The following RGN variants were observed in gnomAD, a reference collection of about 807,000 sequenced individuals.
RGN encodes regucalcin.
A neutral mutation model predicts 20.6 loss-of-function variants in RGN; 19 were observed. The observed-to-expected ratio is 0.92, with a 90% confidence interval of 0.64 to 1.35. The LOEUF (loss-of-function observed/expected upper bound fraction) is 1.35. Among genes scored for constraint, RGN ranks in the 40% most tolerant of loss-of-function variants. The pLI is 0.00. For synonymous variants in RGN, 85 were observed against 87.2 expected, an observed-to-expected ratio of 0.97 and a Z score of 0.14; for missense variants, 302 against 232.7, an observed-to-expected ratio of 1.30 and a Z score of -1.94.
chrX:47,090,909 G>GAA (rs1418685695), intron 5 of RGN, among the ~76,000 whole-genome samples: 1 of 16,982 alleles, frequency 5.9e-5, no homozygotes, highest in Admixed American at 4.8e-4. Flanking sequence ...AAGAAAGAAA[G>GAA]AAGAAGGAAA....
Position 47,080,914 on chromosome X carries a change from A to G in RGN, c.-38A>G. 2 of 352,261 alleles carry G rather than the reference A, an allele frequency of 5.7e-6. No homozygotes were observed. The highest frequency in any genetic ancestry group is 4.9e-6 in the Non-Finnish European group (1 of 204,163). The allele number at this position is 352,261 out of a possible 1,213,427, so 29.0% of individuals were successfully genotyped here. A position where few individuals can be genotyped will look rare whatever the true frequency, so the allele number is the denominator to read the frequency against. On this transcript the variant is annotated 5_prime_UTR_variant, in exon 2 of 8. Transcript: ENST00000397180. The stretch of plus-strand genomic sequence containing the variant: ...CACTTTTTTGTTTTCTTTTTGAAAG[A>G]TCATTCGAGAAACACGTCACTGGTA...
At chrX:47,090,562 G>A (rs1321253537) in intron 5 of RGN, among the ~76,000 whole-genome samples, 1 of 110,194 alleles carries the variant, frequency 9.1e-6, no homozygotes, top group Non-Finnish European at 1.9e-5. Context: ...AACTGGGAGG[G>A]AAGGAATTAT....
intron 3 of RGN, 51 bp downstream of exon 3, chrX:47,081,358 G>C: frequency 8.9e-7 from 1 of 1,123,752 alleles, no homozygotes; most frequent in Non-Finnish European, 1.2e-6. Flanking sequence ...TCCCAGGGGA[G>C]GGGCGGTCAC....
chrX:47,092,159 G>C lies in RGN; in HGVS notation c.793G>C (p.Asp265His). 8.3e-7 allele frequency: 1 copy of C among 1,200,384 alleles called. No homozygotes were observed. Among genetic ancestry groups the C allele is most frequent in the South Asian group, 1.8e-5 (1 of 55,273 alleles). ...TGAAATGTATGTGACCTGCGCCCGGGATGGGATGGACCCCGAGGGTCTTTT... is the reference window on the plus strand; with the variant it reads ...TGAAATGTATGTGACCTGCGCCCGGCATGGGATGGACCCCGAGGGTCTTTT... The part of the protein sequence containing the change: ...YSEMYVTCAR[D>H]GMDPEGLLRQ... The change falls in exon 7 of 8, where the codon GAT becomes CAT. Residue 265 changes from aspartate (D) to histidine (H), a missense_variant. Coordinates refer to ENST00000397180, the MANE Select transcript of RGN (RefSeq NM_152869.4).
At chrX:47,087,998 T>C (rs1762682322) in intron 4 of RGN, among the ~76,000 whole-genome samples, 2 of 100,199 alleles carry the variant, frequency 2.0e-5, no homozygotes, top group African/African-American at 7.2e-5. Context: ...ATAATTATAA[T>C]ATAATACTGT....
At chrX:47,081,531 G>C (rs1367438936) in intron 3 of RGN, among the ~76,000 whole-genome samples, 2 of 104,702 alleles carry the variant, frequency 1.9e-5, no homozygotes, top group East Asian at 6.2e-4. Flanking sequence ...TTGGGGGGGG[G>C]GGTGTTTTTG....
In RGN at chrX:47,089,921, C is replaced by G. The variant is rs1181109056; in HGVS notation, c.492C>G (p.Ile164Met). The change falls in exon 5 of 8, where the codon ATC becomes ATG. Residue 164 changes from isoleucine (I) to methionine (M), a missense_variant. Physicochemically the swap from Ile to Met is conservative, Grantham distance 10. Coordinates refer to ENST00000397180, the MANE Select transcript of RGN (RefSeq NM_152869.4). ...NGLDWSLDHKIFYYIDSLSYS... is the reference protein window; with the variant it reads ...NGLDWSLDHKMFYYIDSLSYS... ...TGGATTGGTCGCTAGACCACAAAAT[C>G]TTCTATTACATTGACAGCCTGTCCT... 8.3e-7 allele frequency: 1 copy of G among 1,206,770 alleles called. No homozygotes were observed. The highest frequency in any genetic ancestry group is 3.0e-5 in the East Asian group (1 of 33,682).
At position 47,089,913 on chromosome X, in the gene RGN, C is replaced by T; in HGVS notation, c.484C>T (p.His162Tyr). The T allele has an allele frequency of 8.3e-7, 1 of 1,209,045 alleles. No individual in the cohort carries two copies. The highest frequency in any genetic ancestry group is 1.1e-6 in the Non-Finnish European group (1 of 893,984). ...ISNGLDWSLDHKIFYYIDSLS... is the reference protein window; with the variant it reads ...ISNGLDWSLDYKIFYYIDSLS... The stretch of plus-strand genomic sequence containing the variant: ...CAATGGTTTGGATTGGTCGCTAGAC[C>T]ACAAAATCTTCTATTACATTGACAG... The change falls in exon 5 of 8, where the codon CAC (histidine) becomes TAC (tyrosine). Residue 162 changes from histidine to tyrosine, a missense_variant. Transcript: ENST00000397180.
chrX:47,088,327 C>T (rs1187427540), intron 4 of RGN, among the ~76,000 whole-genome samples: 1 of 109,519 alleles, frequency 9.1e-6, no homozygotes, highest in Admixed American at 1.0e-4. Flanking sequence ...AGGAGATTCA[C>T]ATGCATGTTC....
At chrX:47,092,414 A>G (rs576108877) in intron 7 of RGN, among the ~76,000 whole-genome samples, 199 bp downstream of exon 7, 1 of 112,262 alleles carries the variant, frequency 8.9e-6, no homozygotes, top group East Asian at 2.8e-4. Flanking sequence ...TGATCTGTTT[A>G]GCCTACTTTG....
chrX:47,078,716 C>T lies in RGN; in HGVS notation c.-636+7C>T, dbSNP rs1053240292. 6.3e-5 allele frequency: 7 copies of T among 111,059 alleles called. No individual in the cohort carries two copies. Among genetic ancestry groups the T allele is most frequent in the African/African-American group, 9.8e-5 (3 of 30,540 alleles). 9.2% of individuals were successfully genotyped at this position (111,059 alleles called of 1,213,427 possible). ...AGGCCTCTCACCCGCACAGGTACCC[C>T]GGGTGCAGCGCGGGCACCTGAAGCC... On this transcript the variant is annotated splice_region_variant and intron_variant, in intron 1 of 7. Coordinates refer to ENST00000397180, the MANE Select transcript of RGN (RefSeq NM_152869.4).
intron 4 of RGN, among the ~76,000 whole-genome samples, chrX:47,088,985 G>A (rs914587693): frequency 3.3e-4 from 32 of 95,983 alleles, no homozygotes; most frequent in African/African-American, 1.2e-3. Flanking sequence ...AGAAGGAGAC[G>A]GAGAAGGAGA....
At chrX:47,087,900 A>G (rs1225610017) in intron 4 of RGN, among the ~76,000 whole-genome samples, 1 of 101,703 alleles carries the variant, frequency 9.8e-6, no homozygotes, top group African/African-American at 3.5e-5. Flanking sequence ...TATATAATAT[A>G]ATCATATTAT....
At chrX:47,078,954 G>A (rs1556380128) in intron 1 of RGN, among the ~76,000 whole-genome samples, 1 of 88,468 alleles carries the variant, frequency 1.1e-5, no homozygotes, top group Admixed American at 1.3e-4. Context: ...CCCCACCCCC[G>A]CTTTTTTTTT....
Position 47,081,227 on chromosome X carries a change from C to G in RGN, c.83C>G (p.Ser28Cys), listed in dbSNP as rs782475293. The change falls in exon 3 of 8, where the codon TCT becomes TGT. Residue 28 changes from serine (S) to cysteine (C), a missense_variant. By Grantham distance (112) the Ser-to-Cys change is moderately radical (BLOSUM62 -1). Transcript: ENST00000397180. ...ESPVWEEVSNSLLFVDIPAKK... is the reference protein window; with the variant it reads ...ESPVWEEVSNCLLFVDIPAKK... Reference sequence around the variant, plus strand: ...CCAGTATGGGAGGAAGTGTCCAACTCTCTGCTCTTTGTAGACATTCCTGCA... The same window carrying G: ...CCAGTATGGGAGGAAGTGTCCAACTGTCTGCTCTTTGTAGACATTCCTGCA... The G allele has an allele frequency of 3.1e-5, 38 of 1,206,807 alleles. No homozygotes were observed. Among genetic ancestry groups the G allele is most frequent in the Non-Finnish European group, 3.5e-5 (31 of 892,510 alleles).
chrX:47,080,942 TTGGTTGAAGATGTTTCATGGTCC>T lies in RGN; in HGVS notation c.-16+7_-16+29del. On this transcript the variant is annotated splice_region_variant and intron_variant, in intron 2 of 7. Transcript: ENST00000397180. ...ATTCGAGAAACACGTCACTGGTAAG[TTGGTTGAAGATGTTTCATGGTCC>T]CTGTTATCAGCTCTTTTCTTTTGCC... 1 of 378,636 alleles carries T rather than the reference TTGGTTGAAGATGTTTCATGGTCC, an allele frequency of 2.6e-6. No individual in the cohort carries two copies. The highest frequency in any genetic ancestry group is 4.8e-5 in the Admixed American group (1 of 20,745). 31.2% of individuals were successfully genotyped at this position (378,636 alleles called of 1,213,427 possible). A position where few individuals can be genotyped will look rare whatever the true frequency, so the allele number is the denominator to read the frequency against.
At chrX:47,089,733 A>T in intron 4 of RGN, 43 bp from the exon 5 acceptor site, 1 of 1,035,073 alleles carries the variant, frequency 9.7e-7, no homozygotes, top group East Asian at 3.1e-5. Flanking sequence ...TGCATGGGGT[A>T]AGATGCTATG....
At chrX:47,084,658 A>C in intron 4 of RGN, 58 bp downstream of exon 4, 18 of 1,033,397 alleles carry the variant, frequency 1.7e-5, no homozygotes, top group Non-Finnish European at 2.1e-5. Flanking sequence ...ACTTTGACAT[A>C]CAAAGTTCTC....
At chrX:47,089,470 TATATTATATATACTTATATATAC>T (rs1556386023) in intron 4 of RGN, among the ~76,000 whole-genome samples, 4 of 2,186 alleles carry the variant, frequency 1.8e-3, no homozygotes, top group African/African-American at 4.3e-3. Flanking sequence ...TATATATACA[TATATTATATATACTTATATATAC>T]ATATTATATA....
Sources: allele counts gnomAD v4.1 joint callset (sites outside exome capture counted in the v4.1 genomes callset), GRCh38; gene constraint gnomAD v4.1.1; transcripts MANE v1.5; gene names NCBI Gene and HGNC (gene_info 2026-07-23, HGNC 2026-07-21).